Variants in FAM135A observed in about 807,000 individuals in gnomAD.
FAM135A encodes the protein family with sequence similarity 135 member A.
A neutral mutation model predicts 146.8 loss-of-function variants in FAM135A; 79 were observed. The observed-to-expected ratio is 0.54, with a 90% CI of 0.45 to 0.65. The LOEUF is 0.65. FAM135A is among the 30% of genes least tolerant of loss of function. The pLI, the probability that FAM135A is intolerant of heterozygous loss-of-function variation, is 0.00. For synonymous variants in FAM135A, 562 were observed against 603.6 expected, an observed-to-expected ratio of 0.93 and a Z score of 1.01; for missense variants, 1,623 against 1,758.2, an observed-to-expected ratio of 0.92 and a Z score of 1.38.
chr6:70,506,621 G>A (rs2128275458), intron 12 of FAM135A, among the ~76,000 whole-genome samples: 1 of 151,572 alleles, frequency 6.6e-6, no homozygotes, highest in South Asian at 2.1e-4. Context: ...ATAAAAGTCT[G>A]TTTGAAGGTT....
chr6:70,526,567 G>A lies in FAM135A; in HGVS notation c.3483G>A (p.Glu1161=), dbSNP rs923554335. ...TGTCCTTCCCGTCTGCACCACGAGA[G>A]TCTCCTTGTAATGTTAAATATTCTT... is the stretch of plus-strand genomic sequence containing the variant. ...GCLSFPSAPR[E]SPCNVKYSSK... Residue 1161 remains glutamate (E), a synonymous_variant, in exon 15 of 22, where the codon GAG becomes GAA. Coordinates refer to ENST00000418814, the MANE Select transcript of FAM135A (RefSeq NM_001162529.3). 1.2e-6 allele frequency: 2 copies of A among 1,613,434 alleles called. No individual in the cohort carries two copies. The highest frequency in any genetic ancestry group is 1.7e-6 in the Non-Finnish European group (2 of 1,179,696).
At chr6:70,432,719 T>C (rs1771954632) in intron 4 of FAM135A, among the ~76,000 whole-genome samples, 1 of 152,072 alleles carries the variant, frequency 6.6e-6, no homozygotes, top group Non-Finnish European at 1.5e-5. Flanking sequence ...ATTATATCTC[T>C]TTTTTCTGAT....
At chr6:70,503,400 G>A (rs1296809834) in intron 12 of FAM135A, 2 of 151,980 alleles carry the variant, frequency 1.3e-5, no homozygotes, top group African/African-American at 2.4e-5. Context: ...TACGTACTAG[G>A]AGTTCCTCCA....
Position 70,453,864 on chromosome 6 carries a change from G to A in FAM135A, c.157+1293G>A, listed in dbSNP as rs1208479. ...AGTCTTTGCTATTGTGAATAGTGCCGCAATAAACATACGTGTGCATGTGTC... is the reference window on the plus strand; with the variant it reads ...AGTCTTTGCTATTGTGAATAGTGCCACAATAAACATACGTGTGCATGTGTC... On this transcript the variant is annotated intron_variant, in intron 5 of 21. Coordinates refer to ENST00000418814, the MANE Select transcript of FAM135A (RefSeq NM_001162529.3). Among the ~76,000 whole-genome samples the A allele has an allele frequency of 6.9e-3, 1,046 of 152,156 alleles. 10 individuals carry two copies. The highest frequency in any genetic ancestry group is 0.024 in the African/African-American group (1,005 of 41,514).
intron 4 of FAM135A, among the ~76,000 whole-genome samples, chr6:70,437,978 A>G (rs770438257): frequency 6.6e-6 from 1 of 152,168 alleles, no homozygotes; most frequent in Non-Finnish European, 1.5e-5. Flanking sequence ...TACTTATACC[A>G]TATATTCATT....
chr6:70,455,745 T>C (rs1020414792), intron 5 of FAM135A, among the ~76,000 whole-genome samples: 6 of 152,216 alleles, frequency 3.9e-5, no homozygotes, highest in African/African-American at 1.4e-4. Flanking sequence ...ATACTTGACA[T>C]ATATTCCACA....
At position 70,548,442 on chromosome 6, in the gene FAM135A, A is replaced by G. The variant is rs188922407; in HGVS notation, c.4229-8308A>G. 2.3e-4 allele frequency among the ~76,000 whole-genome samples: 35 copies of G among 152,268 alleles called. No individual in the cohort carries two copies. The East Asian group carries it at 2.5e-3, about 11-fold the overall frequency. ...GAATTTTTAAATTTATTTTATCATC[A>G]TGGAATCTGAGAGTGAAAGGGTATC... On this transcript the variant is annotated intron_variant, in intron 20 of 21. Transcript: ENST00000418814.
At position 70,480,882 on chromosome 6, in the gene FAM135A, G is replaced by A. The variant is rs2128179057; in HGVS notation, c.543-19G>A. On this transcript the variant is annotated intron_variant, in intron 8 of 21. Transcript: ENST00000418814. ...AATAGACTCGTATGACAATAATAAT[G>A]TAATACTTCTTCCTCCAGCTTTCCT... 4 of 1,599,654 alleles carry A rather than the reference G, an allele frequency of 2.5e-6. No homozygotes were observed. The highest frequency in any genetic ancestry group is 1.1e-5 in the South Asian group (1 of 87,862).
chr6:70,492,492 T>C (rs1786228788), intron 11 of FAM135A, among the ~76,000 whole-genome samples: 1 of 151,662 alleles, frequency 6.6e-6, no homozygotes, highest in Admixed American at 6.6e-5. Context: ...AGGGACAAAA[T>C]AAGACATTGA....
At position 70,526,442 on chromosome 6, in the gene FAM135A, G is replaced by A. The variant is rs1794703276; in HGVS notation, c.3358G>A (p.Asp1120Asn). 6.2e-7 allele frequency: 1 copy of A among 1,613,520 alleles called. No individual in the cohort carries two copies. The highest frequency in any genetic ancestry group is 8.5e-7 in the Non-Finnish European group (1 of 1,179,628). Residue 1120 changes from aspartate (D) to asparagine (N), a missense_variant, in exon 15 of 22, where the codon GAT (aspartate) becomes AAT (asparagine). Around this residue, in one of 7 missense-constraint regions of FAM135A, gnomAD observed 1,061 missense variants for 1,113.8 expected, o/e 0.95. Transcript: ENST00000418814. ...GTINAHYTSR[D>N]ELMEERLTKS... ...AATAAATGCTCACTATACAAGCAGA[G>A]ATGAACTAATGGAAGAAAGACTTAC... is the stretch of plus-strand genomic sequence containing the variant.
rs769695487 is a variant in FAM135A at position 70,525,899 on chromosome 6, A to G, written c.2815A>G (p.Ser939Gly). Residue 939 changes from serine to glycine, a missense_variant, in exon 15 of 22, where the codon AGC (serine) becomes GGC (glycine). By Grantham distance (56) the Ser-to-Gly change is moderately conservative (BLOSUM62 0). Around this residue, in one of 7 missense-constraint regions of FAM135A, gnomAD observed 1,061 missense variants for 1,113.8 expected, o/e 0.95. Coordinates refer to ENST00000418814, the MANE Select transcript of FAM135A (RefSeq NM_001162529.3). Reference protein sequence around the residue: ...ETSSDVKSSCSSKPNLDTMCK... With the variant: ...ETSSDVKSSCGSKPNLDTMCK... ...TTCCAGTGATGTGAAAAGTAGTTGC[A>G]GCTCCAAACCTAACTTGGATACTAT... is the stretch of plus-strand genomic sequence containing the variant. 6.2e-7 allele frequency: 1 copy of G among 1,613,186 alleles called. No individual in the cohort carries two copies. Among genetic ancestry groups the G allele is most frequent in the South Asian group, 1.1e-5 (1 of 90,932 alleles).
rs948431190 is a variant in FAM135A at position 70,413,531 on chromosome 6, C to G, written c.-391C>G. 1.3e-5 allele frequency: 2 copies of G among 153,438 alleles called. No homozygotes were observed. The highest frequency in any genetic ancestry group is 6.5e-5 in the Admixed American group (1 of 15,280). 9.5% of individuals were successfully genotyped at this position (153,438 alleles called of 1,614,324 possible). A position where few individuals can be genotyped will look rare whatever the true frequency, so the allele number is the denominator to read the frequency against. On this transcript the variant is annotated 5_prime_UTR_variant, in exon 1 of 22. Transcript: ENST00000418814. Reference sequence around the variant, plus strand: ...TCGCTGGCCGCGCTGGGCCAGTAGCCGAGCCGCGGTGACGAACCGGCTCCG... The same window carrying G: ...TCGCTGGCCGCGCTGGGCCAGTAGCGGAGCCGCGGTGACGAACCGGCTCCG...
intron 5 of FAM135A, among the ~76,000 whole-genome samples, chr6:70,463,281 GCT>G (rs1226581297): frequency 6.6e-6 from 1 of 151,750 alleles, no homozygotes; most frequent in African/African-American, 2.4e-5. Flanking sequence ...ATAGGGTCTT[GCT>G]CTGTCACCTA....
intron 12 of FAM135A, among the ~76,000 whole-genome samples, chr6:70,519,244 G>A (rs1216582391): frequency 1.3e-5 from 2 of 152,228 alleles, no homozygotes; most frequent in Non-Finnish European, 2.9e-5. Context: ...AGTGGAGCCT[G>A]AAGATGTGAC....
At chr6:70,512,371 TTACA>T (rs534209488) in intron 12 of FAM135A, among the ~76,000 whole-genome samples, 75 of 152,040 alleles carry the variant, frequency 4.9e-4, no homozygotes, top group Middle Eastern at 3.4e-3. Flanking sequence ...TTTCTATTGC[TTACA>T]TACATAGGAG....
rs778085877 is a variant in FAM135A, at chr6:70,525,287, A to T, written c.2203A>T (p.Asn735Tyr). The T allele has an allele frequency of 6.2e-7, 1 of 1,603,350 alleles. No homozygotes were observed. The highest frequency in any genetic ancestry group is 1.7e-5 in the Admixed American group (1 of 57,962). The change falls in exon 15 of 22, where the codon AAT becomes TAT. Residue 735 changes from asparagine (N) to tyrosine (Y), a missense_variant. Asn to Tyr is a moderately radical substitution (Grantham distance 143). Coordinates refer to ENST00000418814, the MANE Select transcript of FAM135A (RefSeq NM_001162529.3). Reference sequence around the variant, plus strand: ...AGAATCATTAACTAAATTACGAAGTAATCTACCTGCCCCTTCTACAAAAGA... The same window carrying T: ...AGAATCATTAACTAAATTACGAAGTTATCTACCTGCCCCTTCTACAAAAGA... ...IGESLTKLRS[N>Y]LPAPSTKEYH...
chr6:70,502,600 T>C (rs940195046), intron 11 of FAM135A, 36 bp from the exon 12 acceptor site: 108 of 1,586,536 alleles, frequency 6.8e-5, no homozygotes, highest in Non-Finnish European at 9.2e-5. Flanking sequence ...CATTAAATCT[T>C]GGGAAATAGT....
At chr6:70,491,300 T>G (rs1785925488) in intron 11 of FAM135A, among the ~76,000 whole-genome samples, 1 of 152,014 alleles carries the variant, frequency 6.6e-6, no homozygotes, top group Non-Finnish European at 1.5e-5. Context: ...ATTCTTCATA[T>G]AAATGAAATA....
chr6:70,536,108 T>C (rs1796746607), intron 18 of FAM135A, 152 bp from the exon 19 acceptor site: 1 of 606,572 alleles, frequency 1.6e-6, no homozygotes, highest in Non-Finnish European at 2.7e-6. Context: ...TCCTTCAAAA[T>C]GTGGTATATC....
Sources: allele counts gnomAD v4.1 joint callset (sites outside exome capture counted in the v4.1 genomes callset), GRCh38; gene constraint gnomAD v4.1.1; regional missense constraint gnomAD v4.1.1; transcripts MANE v1.5; gene names NCBI Gene and HGNC (gene_info 2026-07-23, HGNC 2026-07-21).